ENTREP2: variants seen among roughly 807,000 people sequenced by gnomAD.
ENTREP2 encodes the protein protein ENTREP2.
At chr15:29,518,327 T>A in the ENTREP2 span, among the ~76,000 whole-genome samples, 2 of 152,260 alleles carry the variant, frequency 1.3e-5, no homozygotes, top group East Asian at 3.9e-4. Flanking sequence ...TCCTCCTGCA[T>A]AACTGATACT....
chr15:29,573,616 T>A, the ENTREP2 span, among the ~76,000 whole-genome samples: 1 of 149,598 alleles, frequency 6.7e-6, no homozygotes, highest in African/African-American at 2.5e-5. Context: ...TCTCTCTTCT[T>A]TCTCTCTCTC....
the ENTREP2 span, among the ~76,000 whole-genome samples, chr15:29,580,282 G>T: frequency 2.0e-5 from 3 of 152,102 alleles, no homozygotes; most frequent in African/African-American, 7.2e-5. Context: ...AGAATGGTTA[G>T]GGCACCCATG....
chr15:29,509,152 T>C, the ENTREP2 span, among the ~76,000 whole-genome samples: 7 of 152,050 alleles, frequency 4.6e-5, no homozygotes, highest in African/African-American at 9.7e-5. Context: ...CCATTCACAA[T>C]TGCTACAAAG....
At chr15:29,662,345 T>C in the ENTREP2 span, among the ~76,000 whole-genome samples, 1 of 151,924 alleles carries the variant, frequency 6.6e-6, no homozygotes, top group Non-Finnish European at 1.5e-5. Context: ...AAATAGTATA[T>C]ACATCCAAAA....
chr15:29,190,540 C>T, the ENTREP2 span, among the ~76,000 whole-genome samples: 1 of 152,040 alleles, frequency 6.6e-6, no homozygotes, highest in Non-Finnish European at 1.5e-5. Flanking sequence ...TTGGTTTCTG[C>T]TTTTTTCCCT....
chr15:29,458,735 G>A, the ENTREP2 span, among the ~76,000 whole-genome samples: 1 of 152,192 alleles, frequency 6.6e-6, no homozygotes, highest in Non-Finnish European at 1.5e-5. Flanking sequence ...TCTCTGCTGA[G>A]GATAACACAT....
At chr15:29,490,921 G>C in the ENTREP2 span, among the ~76,000 whole-genome samples, 1 of 152,228 alleles carries the variant, frequency 6.6e-6, no homozygotes, top group Non-Finnish European at 1.5e-5. Flanking sequence ...ATGGAGCAGG[G>C]GGTGATGCCC....
the ENTREP2 span, among the ~76,000 whole-genome samples, chr15:29,591,430 C>T: frequency 2.0e-5 from 3 of 152,192 alleles, no homozygotes; most frequent in Admixed American, 2.0e-4. Flanking sequence ...GACCCCCATC[C>T]TACCTGCTAC....
At chr15:29,486,342 GC>G in the ENTREP2 span, among the ~76,000 whole-genome samples, 1 of 152,030 alleles carries the variant, frequency 6.6e-6, no homozygotes, top group Non-Finnish European at 1.5e-5. Context: ...ATACTATTTG[GC>G]CATAAGATAG....
chr15:29,219,387 G>A, the ENTREP2 span, among the ~76,000 whole-genome samples: 1 of 151,958 alleles, frequency 6.6e-6, no homozygotes, highest in African/African-American at 2.4e-5. Context: ...GTAAACTAAT[G>A]CAATCACTAT....
chr15:29,579,838 G>A, the ENTREP2 span, among the ~76,000 whole-genome samples: 32 of 151,648 alleles, frequency 2.1e-4, no homozygotes, highest in African/African-American at 7.5e-4. Flanking sequence ...AGCCTCCCGA[G>A]TAGCTGGGCC....
the ENTREP2 span, among the ~76,000 whole-genome samples, chr15:29,638,973 T>TTTC: frequency 6.6e-6 from 1 of 152,218 alleles, no homozygotes; most frequent in Non-Finnish European, 1.5e-5. Flanking sequence ...CAATAATGCC[T>TTTC]TTCTTGTTTG....
At chr15:29,129,690 G>A in the ENTREP2 span, among the ~76,000 whole-genome samples, 1 of 152,070 alleles carries the variant, frequency 6.6e-6, no homozygotes, top group Non-Finnish European at 1.5e-5. Flanking sequence ...TCCGCCTGGA[G>A]AGGCCTCAGA....
At chr15:29,496,318 A>G in the ENTREP2 span, among the ~76,000 whole-genome samples, 1 of 151,940 alleles carries the variant, frequency 6.6e-6, no homozygotes, top group Non-Finnish European at 1.5e-5. Context: ...AATTTCTATT[A>G]CAAGATCACA....
the ENTREP2 span, among the ~76,000 whole-genome samples, chr15:29,339,118 A>G: frequency 6.6e-6 from 1 of 152,200 alleles, no homozygotes; most frequent in Admixed American, 6.5e-5. Context: ...AACCTCAGTG[A>G]TTTGGTCCAG....
At chr15:29,359,600 G>A in the ENTREP2 span, among the ~76,000 whole-genome samples, 6 of 152,154 alleles carry the variant, frequency 3.9e-5, no homozygotes, top group East Asian at 5.8e-4. Flanking sequence ...TTTAGTAGAG[G>A]CGGGGTTTCA....
At chr15:29,254,961 C>A in the ENTREP2 span, among the ~76,000 whole-genome samples, 1 of 152,150 alleles carries the variant, frequency 6.6e-6, no homozygotes, top group Non-Finnish European at 1.5e-5. Flanking sequence ...GAGTTTGAGT[C>A]ATTATGAGCC....
the ENTREP2 span, among the ~76,000 whole-genome samples, chr15:29,485,466 T>G: frequency 1.3e-4 from 20 of 152,108 alleles, no homozygotes; most frequent in African/African-American, 4.8e-4. Flanking sequence ...TCTGTGTAAC[T>G]CAGAATGCAC....
chr15:29,331,773 C>A, the ENTREP2 span, among the ~76,000 whole-genome samples: 10 of 152,322 alleles, frequency 6.6e-5, no homozygotes, highest in East Asian at 1.9e-3. Context: ...GAAAATAAAG[C>A]ACAAAAGCTT....
Sources: allele counts gnomAD v4.1 joint callset (sites outside exome capture counted in the v4.1 genomes callset), GRCh38; gene constraint gnomAD v4.1.1; transcripts MANE v1.5; gene names NCBI Gene and HGNC (gene_info 2026-07-23, HGNC 2026-07-21).